The following NR6A1 variants were observed in gnomAD, a reference collection of about 807,000 sequenced individuals.
NR6A1 encodes the protein nuclear receptor subfamily 6 group A member 1, also known as retinoic acid receptor-related testis-associated receptor.
Under a neutral mutation model 59.1 loss-of-function variants are expected in NR6A1, and 7 were observed. The ratio of observed to expected loss-of-function variants is 0.12; its 90% CI spans 0.07 to 0.22. NR6A1 has a LOEUF of 0.22. NR6A1 is among the 10% of genes least tolerant of loss of function. The pLI is 1.00. For missense variants in NR6A1, 468 were observed against 611.6 expected (o/e 0.77, Z 2.48); for synonymous variants, 243 against 236.1 (o/e 1.03, Z -0.27).
intron 2 of NR6A1, among the ~76,000 whole-genome samples, chr9:124,622,476 G>A (rs1048102389): frequency 1.3e-5 from 2 of 152,156 alleles, no homozygotes; most frequent in Non-Finnish European, 2.9e-5. Context: ...GCTGTTAATT[G>A]AAACACTGTG....
chr9:124,750,892 G>C (rs1486357346), intron 1 of NR6A1, among the ~76,000 whole-genome samples: 1 of 152,064 alleles, frequency 6.6e-6, no homozygotes, highest in Non-Finnish European at 1.5e-5. Context: ...TTTAATTCTT[G>C]CATCTACCAT....
intron 2 of NR6A1, among the ~76,000 whole-genome samples, chr9:124,707,968 C>T (rs1201014779): frequency 1.3e-5 from 2 of 152,186 alleles, no homozygotes; most frequent in Non-Finnish European, 2.9e-5. Flanking sequence ...GGCTTTCCCA[C>T]ACATCTTTGC....
chr9:124,727,694 T>G (rs1839760346), intron 2 of NR6A1, among the ~76,000 whole-genome samples: 1 of 152,064 alleles, frequency 6.6e-6, no homozygotes, highest in African/African-American at 2.4e-5. Flanking sequence ...TATTTATTTA[T>G]TTATTTTTAA....
At chr9:124,706,797 T>C (rs1331270824) in intron 2 of NR6A1, among the ~76,000 whole-genome samples, 2 of 152,222 alleles carry the variant, frequency 1.3e-5, no homozygotes, top group Non-Finnish European at 2.9e-5. Flanking sequence ...ATTACAGGCG[T>C]GAGCCACCTC....
intron 7 of NR6A1, among the ~76,000 whole-genome samples, chr9:124,528,964 T>C (rs1398506531): frequency 1.3e-5 from 2 of 152,200 alleles, no homozygotes; most frequent in Non-Finnish European, 2.9e-5. Context: ...TTGGCATCCA[T>C]GGGGGTCCTG....
chr9:124,751,128 TCA>T (rs1308470103), intron 1 of NR6A1, among the ~76,000 whole-genome samples: 1 of 152,176 alleles, frequency 6.6e-6, no homozygotes, highest in Admixed American at 6.5e-5. Flanking sequence ...CATGTAATTA[TCA>T]CACAGTGGGC....
At chr9:124,704,172 G>A (rs1235521648) in intron 2 of NR6A1, among the ~76,000 whole-genome samples, 1 of 152,112 alleles carries the variant, frequency 6.6e-6, no homozygotes, top group Non-Finnish European at 1.5e-5. Flanking sequence ...GTTGATCATG[G>A]CAAATCCCTT....
chr9:124,598,689 A>C, intron 2 of NR6A1: 1 of 567,802 alleles, frequency 1.8e-6, no homozygotes, highest in Non-Finnish European at 2.9e-6. Context: ...GAAAGAGAGG[A>C]AAAAAATAAG....
chr9:124,628,873 T>A (rs1836336573), intron 2 of NR6A1, among the ~76,000 whole-genome samples: 1 of 152,082 alleles, frequency 6.6e-6, no homozygotes, highest in South Asian at 2.1e-4. Flanking sequence ...TTTCCCAGGC[T>A]GGTCTCGAAC....
At chr9:124,756,436 AAAC>A (rs1437035147) in intron 1 of NR6A1, among the ~76,000 whole-genome samples, 1 of 152,274 alleles carries the variant, frequency 6.6e-6, no homozygotes, top group East Asian at 1.9e-4. Context: ...CAATCAACAT[AAAC>A]TTTAACAATG....
intron 2 of NR6A1, among the ~76,000 whole-genome samples, chr9:124,632,164 T>C (rs1199916465): frequency 6.6e-6 from 1 of 152,246 alleles, no homozygotes; most frequent in Non-Finnish European, 1.5e-5. Context: ...GAATGATTTA[T>C]ATTCCTTTGG....
intron 2 of NR6A1, among the ~76,000 whole-genome samples, chr9:124,692,758 C>T (rs1211655548): frequency 6.6e-6 from 1 of 152,144 alleles, no homozygotes; most frequent in Non-Finnish European, 1.5e-5. Flanking sequence ...AGGTAAGGAG[C>T]AGTCCATGAT....
In NR6A1 at chr9:124,547,721, G is replaced by A. The variant is rs529754020; in HGVS notation, c.386-3864C>T. On this transcript the variant is annotated intron_variant, in intron 3 of 9. Coordinates refer to ENST00000487099, the MANE Select transcript of NR6A1 (RefSeq NM_033334.4). The stretch of plus-strand genomic sequence containing the variant: ...ACCTGCATGTATTCGTGAGGAAACT[G>A]ACAAGCCCAAATTAAGGGATATTCT... Among the ~76,000 whole-genome samples the A allele has an allele frequency of 2.0e-5, 3 of 152,232 alleles. No homozygotes were observed. In the South Asian group the frequency reaches 6.2e-4, roughly 32 times the overall value.
At chr9:124,736,036 T>C (rs1037105005) in intron 1 of NR6A1, among the ~76,000 whole-genome samples, 38 of 152,166 alleles carry the variant, frequency 2.5e-4, no homozygotes, top group Admixed American at 2.0e-4. Context: ...TACACACGGA[T>C]TGAATGTTGA....
In NR6A1 at chr9:124,691,950, G is replaced by A. The variant is rs370781889; in HGVS notation, c.142+41358C>T. 1.6e-4 allele frequency among the ~76,000 whole-genome samples: 25 copies of A among 152,268 alleles called. No homozygotes were observed. The East Asian group carries it at 3.1e-3, about 19-fold the overall frequency. The stretch of plus-strand genomic sequence containing the variant: ...CTCCTAGATATCAACAGTAAGTTCT[G>A]TAGTAGACAACAGAAGCAGTATGAT... On this transcript the variant is annotated intron_variant, in intron 2 of 9. Coordinates refer to ENST00000487099, the MANE Select transcript of NR6A1 (RefSeq NM_033334.4).
rs563090977 is a variant in NR6A1 at position 124,753,697 on chromosome 9, A to G, written c.100+17323T>C. ...ACAACTACTTGTTCCCTTCCCTTTT[A>G]AGGATATTACCAGAAAACCTTTTTA... is the stretch of plus-strand genomic sequence containing the variant. On this transcript the variant is annotated intron_variant, in intron 1 of 9. Coordinates refer to ENST00000487099, the MANE Select transcript of NR6A1 (RefSeq NM_033334.4). Among the ~76,000 whole-genome samples the G allele has an allele frequency of 4.6e-5, 7 of 152,316 alleles. No homozygotes were observed. The East Asian group carries it at 1.2e-3, about 25-fold the overall frequency.
At chr9:124,605,277 G>C (rs568525243) in intron 2 of NR6A1, among the ~76,000 whole-genome samples, 21 of 152,302 alleles carry the variant, frequency 1.4e-4, no homozygotes, top group African/African-American at 3.8e-4. Flanking sequence ...TCAACTTAGA[G>C]GGGGAAAAAA....
At chr9:124,614,734 C>T (rs1835842107) in intron 2 of NR6A1, among the ~76,000 whole-genome samples, 4 of 152,270 alleles carry the variant, frequency 2.6e-5, no homozygotes, top group Middle Eastern at 3.4e-3. Context: ...AAGATAATAT[C>T]ATCATAACCC....
chr9:124,606,818 C>T (rs769776701), intron 2 of NR6A1, among the ~76,000 whole-genome samples: 9 of 152,202 alleles, frequency 5.9e-5, no homozygotes, highest in Non-Finnish European at 1.0e-4. Context: ...AGGCCATGGG[C>T]ACCTCCCTGT....
Sources: gnomAD v4.1 joint callset for allele counts (sites outside exome capture counted in the v4.1 genomes callset) on GRCh38, gnomAD v4.1.1 for gene constraint, MANE v1.5 for transcripts, NCBI Gene and HGNC (gene_info 2026-07-23, HGNC 2026-07-21) for gene names.